Variants in DST observed in about 807,000 individuals in gnomAD.
The protein encoded by DST is dystonin.
A neutral mutation model predicts 875.2 loss-of-function variants in DST; 253 were observed. The observed-to-expected ratio is 0.29, with a 90% CI of 0.26 to 0.32. The LOEUF is 0.32. Ranked by LOEUF, DST falls within the 10% of genes least tolerant of loss-of-function variation. DST has a pLI of 1.00. For missense variants in DST, 8,287 were observed against 9,111.6 expected, an observed-to-expected ratio of 0.91 and a Z score of 3.68; for synonymous variants, 3,124 against 3,197.1, an observed-to-expected ratio of 0.98 and a Z score of 0.77.
At chr6:56,815,288 G>A (rs2099765261) in intron 4 of DST, among the ~76,000 whole-genome samples, 1 of 152,118 alleles carries the variant, frequency 6.6e-6, no homozygotes, top group South Asian at 2.1e-4. Flanking sequence ...TTCCTATAAT[G>A]TGCAGTATAT....
In DST at chr6:56,460,125, A is replaced by G. The variant is rs759165927; in HGVS notation, c.23194+6T>C. 28 of 1,606,332 alleles carry G rather than the reference A, an allele frequency of 1.7e-5. No individual in the cohort carries two copies. Among genetic ancestry groups the G allele is most frequent in the Admixed American group, 3.3e-5 (2 of 59,738 alleles). Reference sequence around the variant, plus strand: ...GCCATTGAAAAAAGAAAGGCACCACACTCACCAGCAAACTGTGTTCGGACT... The same window carrying G: ...GCCATTGAAAAAAGAAAGGCACCACGCTCACCAGCAAACTGTGTTCGGACT... On this transcript the variant is annotated splice_donor_region_variant and intron_variant, in intron 103 of 103. Coordinates refer to ENST00000680361, the MANE Select transcript of DST (RefSeq NM_001374736.1).
chr6:56,506,423 A>G lies in DST; in HGVS notation c.19464+20T>C, dbSNP rs764163509. 2.3e-5 allele frequency: 37 copies of G among 1,593,190 alleles called. No homozygotes were observed. The highest frequency in any genetic ancestry group is 3.2e-5 in the Non-Finnish European group (37 of 1,164,976). ...TCCTCCTTCCAGCTAAGACCAGCAC[A>G]TACACTGTAATCCCCTTACCTGCAG... is the stretch of plus-strand genomic sequence containing the variant. On this transcript the variant is annotated intron_variant, in intron 77 of 103. Coordinates refer to ENST00000680361, the MANE Select transcript of DST (RefSeq NM_001374736.1).
At chr6:56,787,484 G>C (rs957561386) in intron 4 of DST, among the ~76,000 whole-genome samples, 1 of 152,178 alleles carries the variant, frequency 6.6e-6, no homozygotes, top group African/African-American at 2.4e-5. Flanking sequence ...AAAATAGCTT[G>C]AAGTATTTTA....
chr6:56,595,690 C>T (rs2098363684), intron 47 of DST, among the ~76,000 whole-genome samples: 1 of 152,136 alleles, frequency 6.6e-6, no homozygotes, highest in African/African-American at 2.4e-5. Context: ...TAACAGTGCC[C>T]GCCACCTAGT....
rs1225776518 is a variant in DST, at chr6:56,954,780, C to T, written c.-193G>A. On this transcript the variant is annotated 5_prime_UTR_variant, in exon 1 of 104. Coordinates refer to ENST00000680361, the MANE Select transcript of DST (RefSeq NM_001374736.1). ...GCCGCGCTACGCGAGTGATCCAGGG[C>T]TGCGGGGAGCGCTTGCCATGACTCA... 6.7e-6 allele frequency among the ~76,000 whole-genome samples: 1 copy of T among 149,936 alleles called. No individual in the cohort carries two copies. Among genetic ancestry groups the T allele is most frequent in the East Asian group, 1.9e-4 (1 of 5,166 alleles).
chr6:56,838,386 G>A (rs550742316), intron 4 of DST, among the ~76,000 whole-genome samples: 1 of 152,288 alleles, frequency 6.6e-6, no homozygotes, highest in South Asian at 2.1e-4. Context: ...CCAGGATCCT[G>A]AGGCACATAT....
intron 2 of DST, among the ~76,000 whole-genome samples, chr6:56,921,403 G>A (rs1326236315): frequency 2.0e-5 from 3 of 152,134 alleles, no homozygotes; most frequent in African/African-American, 7.2e-5. Flanking sequence ...AAATTTGCTA[G>A]TAAATTTTAT....
At chr6:56,550,128 A>C (rs1031962066) in intron 61 of DST, among the ~76,000 whole-genome samples, 3 of 152,206 alleles carry the variant, frequency 2.0e-5, no homozygotes, top group Admixed American at 2.0e-4. Context: ...ACACACACAC[A>C]TACACAGATA....
At chr6:56,910,145 T>C (rs944518938) in intron 2 of DST, among the ~76,000 whole-genome samples, 5 of 152,190 alleles carry the variant, frequency 3.3e-5, no homozygotes, top group South Asian at 4.1e-4. Context: ...TTTGGAAAAG[T>C]CTAGGGAACT....
chr6:56,592,237 G>C lies in DST; in HGVS notation c.12848C>G (p.Ser4283Cys). 6.2e-7 allele frequency: 1 copy of C among 1,613,642 alleles called. No individual in the cohort carries two copies. The highest frequency in any genetic ancestry group is 8.5e-7 in the Non-Finnish European group (1 of 1,179,778). ...ACEATASKHL[S>C]EPIAVDPKNL... is the part of the protein sequence containing the mutation. The stretch of plus-strand genomic sequence containing the variant: ...TTTGGGGTCCACCGCAATAGGTTCA[G>C]ATAAGTGTTTGCTCGCTGTGGCCTC... The change falls in exon 49 of 104, where the codon TCT becomes TGT. Residue 4283 changes from serine to cysteine, a missense_variant. Ser to Cys is a moderately radical substitution (Grantham distance 112, BLOSUM62 -1). Around this residue, in one of 10 missense-constraint regions of DST, gnomAD observed 1,513 missense variants for 1,677.8 expected, o/e 0.90. Transcript: ENST00000680361.
intron 4 of DST, among the ~76,000 whole-genome samples, chr6:56,827,774 G>A (rs147005885): frequency 0.023 from 3,499 of 152,294 alleles, 52 homozygotes; most frequent in Non-Finnish European, 0.037. Flanking sequence ...AGCAGGGGCG[G>A]AAGAGTTGGG....
intron 54 of DST, among the ~76,000 whole-genome samples, chr6:56,569,330 AAAAAAAAAAC>A (rs983924163): frequency 3.4e-5 from 5 of 148,674 alleles, no homozygotes; most frequent in African/African-American, 1.3e-4. Flanking sequence ...GTCTCGAAAA[AAAAAAAAAAC>A]AAAAACACAC....
intron 3 of DST, among the ~76,000 whole-genome samples, chr6:56,886,800 T>C (rs1243907690): frequency 2.1e-5 from 3 of 143,744 alleles, no homozygotes; most frequent in Non-Finnish European, 4.7e-5. Context: ...AAAAAAAAAT[T>C]CCTGAAACAT....
At chr6:56,531,513 G>A (rs1407005884) in intron 64 of DST, among the ~76,000 whole-genome samples, 15 of 152,082 alleles carry the variant, frequency 9.9e-5, no homozygotes, top group Admixed American at 8.5e-4. Context: ...TTTATTCTAT[G>A]GCCCTAAAGC....
At chr6:56,808,377 G>A (rs59850161) in intron 4 of DST, among the ~76,000 whole-genome samples, 1,878 of 152,144 alleles carry the variant, frequency 0.012, 48 homozygotes, top group African/African-American at 0.043. Flanking sequence ...GACAAAAAGC[G>A]TTGAGAGACA....
At chr6:56,936,008 A>G (rs1198298294) in intron 2 of DST, among the ~76,000 whole-genome samples, 1 of 152,220 alleles carries the variant, frequency 6.6e-6, no homozygotes, top group Non-Finnish European at 1.5e-5. Context: ...TGAATAATCT[A>G]TTGATGTTTG....
chr6:56,896,260 C>T (rs561259128), intron 3 of DST, among the ~76,000 whole-genome samples: 1 of 152,104 alleles, frequency 6.6e-6, no homozygotes, highest in African/African-American at 2.4e-5. Context: ...AGAATTCCCA[C>T]GTGTTGTGGG....
Position 56,832,824 on chromosome 6 carries a change from C to T in DST, c.625+18573G>A, listed in dbSNP as rs977651292. ...GCATGATCTCAGCTCACTGCAACCTCGGCCTCCCAGGTTCAAGTGATTCTC... is the reference window on the plus strand; with the variant it reads ...GCATGATCTCAGCTCACTGCAACCTTGGCCTCCCAGGTTCAAGTGATTCTC... On this transcript the variant is annotated intron_variant, in intron 4 of 103. Transcript: ENST00000680361. Among the ~76,000 whole-genome samples, 4 of 152,258 alleles carry T rather than the reference C, an allele frequency of 2.6e-5. 1 individual carries two copies. The South Asian group carries it at 8.3e-4, about 32-fold the overall frequency.
chr6:56,599,316 T>C (rs1223578335), intron 45 of DST, among the ~76,000 whole-genome samples: 1 of 152,110 alleles, frequency 6.6e-6, no homozygotes, highest in African/African-American at 2.4e-5. Flanking sequence ...ATTCTCTATA[T>C]GATACTGAGT....
Sources: gnomAD v4.1 joint callset for allele counts (sites outside exome capture counted in the v4.1 genomes callset) on GRCh38, gnomAD v4.1.1 for gene constraint, gnomAD v4.1.1 regional missense constraint, MANE v1.5 for transcripts, NCBI Gene and HGNC (gene_info 2026-07-23, HGNC 2026-07-21) for gene names.